Variants in HPSE2 observed in about 807,000 individuals in gnomAD.
The protein encoded by HPSE2 is inactive heparanase-2.
In HPSE2, 38 loss-of-function variants were observed where a neutral mutation model predicts 60.5. The observed-to-expected ratio is 0.63, with a 90% CI of 0.48 to 0.82. The LOEUF (loss-of-function observed/expected upper bound fraction) is 0.82, where lower values mean the gene tolerates loss of function less well. HPSE2 is among the 40% of genes least tolerant of loss of function. HPSE2 has a pLI of 0.00. For synonymous variants in HPSE2, 295 were observed against 293.2 expected (o/e 1.01, Z -0.06); for missense variants, 713 against 740.4 (o/e 0.96, Z 0.43).
At chr10:98,840,327 T>G (rs547017619) in intron 3 of HPSE2, among the ~76,000 whole-genome samples, 1 of 152,060 alleles carries the variant, frequency 6.6e-6, no homozygotes, top group African/African-American at 2.4e-5. Context: ...CCTATTAAAT[T>G]TGGACTCCAT....
intron 2 of HPSE2, among the ~76,000 whole-genome samples, chr10:99,145,499 G>A (rs567675235): frequency 6.6e-6 from 1 of 151,606 alleles, no homozygotes; most frequent in Non-Finnish European, 1.5e-5. Context: ...CCAATTAGCA[G>A]GAAGCTCTTA....
chr10:98,763,434 A>T (rs1458547890), intron 3 of HPSE2, among the ~76,000 whole-genome samples: 2 of 152,098 alleles, frequency 1.3e-5, no homozygotes, highest in East Asian at 3.9e-4. Context: ...AAATCCAAGT[A>T]TAAAGAAAAA....
intron 8 of HPSE2, among the ~76,000 whole-genome samples, chr10:98,617,599 T>G (rs1476617815): frequency 1.3e-5 from 2 of 152,212 alleles, no homozygotes; most frequent in African/African-American, 4.8e-5. Flanking sequence ...ATAGAATGGT[T>G]AACATGAAAG....
chr10:99,086,632 G>C (rs1057491254), intron 3 of HPSE2, among the ~76,000 whole-genome samples: 2 of 152,002 alleles, frequency 1.3e-5, no homozygotes, highest in Non-Finnish European at 2.9e-5. Flanking sequence ...GATTACAGGC[G>C]TGAGCCACCG....
chr10:98,939,344 C>T (rs1249493074), intron 3 of HPSE2, among the ~76,000 whole-genome samples: 4 of 143,344 alleles, frequency 2.8e-5, no homozygotes, highest in Non-Finnish European at 6.0e-5. Context: ...ATCCATCTCA[C>T]GTGCAGAGAC....
intron 7 of HPSE2, among the ~76,000 whole-genome samples, chr10:98,628,790 T>C (rs918901654): frequency 1.3e-5 from 2 of 151,888 alleles, no homozygotes; most frequent in African/African-American, 4.8e-5. Context: ...CTGGGGACTA[T>C]GAGTACTGTT....
chr10:98,538,677 C>G (rs1943365168), intron 9 of HPSE2, among the ~76,000 whole-genome samples: 1 of 151,918 alleles, frequency 6.6e-6, no homozygotes, highest in Non-Finnish European at 1.5e-5. Context: ...TTTAAAGCTC[C>G]CCAGATGATT....
chr10:99,019,690 A>G lies in HPSE2; in HGVS notation c.610+124548T>C, dbSNP rs964272423. On this transcript the variant is annotated intron_variant, in intron 3 of 11. Transcript: ENST00000370552. The stretch of plus-strand genomic sequence containing the variant: ...TACAACGGCAGGTGTATTCCTTTTC[A>G]AAGAAGCACTATTTAGTTTTTTGTT... 2.1e-4 allele frequency among the ~76,000 whole-genome samples: 32 copies of G among 151,408 alleles called. 2 individuals carry two copies. In the South Asian group the frequency reaches 6.7e-3, roughly 32 times the overall value.
the HPSE2 span, among the ~76,000 whole-genome samples, chr10:99,259,476 T>C: frequency 1.3e-5 from 2 of 152,218 alleles, no homozygotes; most frequent in South Asian, 4.2e-4. Context: ...GGGCAAAATA[T>C]TTAAACAGAT....
intron 6 of HPSE2, among the ~76,000 whole-genome samples, chr10:98,669,642 C>T (rs1293911521): frequency 6.6e-6 from 1 of 152,208 alleles, no homozygotes; most frequent in Admixed American, 6.5e-5. Flanking sequence ...AACCAAATTA[C>T]AGCATGTTCT....
intron 3 of HPSE2, among the ~76,000 whole-genome samples, chr10:98,905,226 T>C (rs1308020169): frequency 2.0e-5 from 3 of 151,950 alleles, no homozygotes; most frequent in African/African-American, 7.3e-5. Context: ...TAGTTACATA[T>C]GTATACATGT....
intron 3 of HPSE2, among the ~76,000 whole-genome samples, chr10:98,868,660 A>T (rs74154353): frequency 0.018 from 2,719 of 152,272 alleles, 85 homozygotes; most frequent in African/African-American, 0.062. Flanking sequence ...AAAAAATTTT[A>T]AAAAATTTAA....
chr10:98,785,521 C>T (rs1261788996), intron 3 of HPSE2, among the ~76,000 whole-genome samples: 2 of 43,692 alleles, frequency 4.6e-5, no homozygotes, highest in Admixed American at 2.8e-4. Context: ...AGGAATGGTA[C>T]CAGTTCCTCC....
chr10:98,910,430 G>T (rs1953948116), intron 3 of HPSE2, among the ~76,000 whole-genome samples: 1 of 152,128 alleles, frequency 6.6e-6, no homozygotes, highest in Admixed American at 6.5e-5. Flanking sequence ...GAACTTAAAG[G>T]GCTGCCAGCA....
chr10:98,880,821 C>A (rs1445724308), intron 3 of HPSE2, among the ~76,000 whole-genome samples: 1 of 151,882 alleles, frequency 6.6e-6, no homozygotes, highest in Non-Finnish European at 1.5e-5. Flanking sequence ...TTGTTAAAAA[C>A]AAAGAAGCAA....
At chr10:99,287,892 G>A in the HPSE2 span, among the ~76,000 whole-genome samples, 1 of 152,102 alleles carries the variant, frequency 6.6e-6, no homozygotes, top group Admixed American at 6.5e-5. Context: ...TCTGGTAGGG[G>A]ATCCTAAACC....
At chr10:98,976,145 T>C (rs986457256) in intron 3 of HPSE2, among the ~76,000 whole-genome samples, 1 of 152,144 alleles carries the variant, frequency 6.6e-6, no homozygotes, top group African/African-American at 2.4e-5. Context: ...TATATCATTC[T>C]ACAACCAGAA....
intron 9 of HPSE2, among the ~76,000 whole-genome samples, chr10:98,523,524 G>C (rs1333848002): frequency 6.6e-6 from 1 of 152,118 alleles, no homozygotes; most frequent in Non-Finnish European, 1.5e-5. Context: ...ATAGCTTATT[G>C]AATCCCAAAT....
chr10:99,142,691 G>A (rs1056933556), intron 3 of HPSE2, among the ~76,000 whole-genome samples: 14 of 152,242 alleles, frequency 9.2e-5, no homozygotes, highest in Non-Finnish European at 1.5e-4. Context: ...TTTGAACTGC[G>A]AATAAACATC....
Sources: gnomAD v4.1 joint callset for allele counts (sites outside exome capture counted in the v4.1 genomes callset) on GRCh38, gnomAD v4.1.1 for gene constraint, MANE v1.5 for transcripts, NCBI Gene and HGNC (gene_info 2026-07-23, HGNC 2026-07-21) for gene names.